ENPP1: variants seen among roughly 807,000 people sequenced by gnomAD.
ENPP1 encodes ectonucleotide pyrophosphatase/phosphodiesterase 1, also known as ectonucleotide pyrophosphatase/phosphodiesterase family member 1.
Under a neutral mutation model 122.8 loss-of-function variants are expected in ENPP1, and 73 were observed. That is an observed-to-expected ratio of 0.59 (90% CI 0.49 to 0.72). The LOEUF (loss-of-function observed/expected upper bound fraction) is 0.72, where lower values mean the gene tolerates loss of function less well. Ranked by LOEUF, ENPP1 falls within the 30% of genes least tolerant of loss-of-function variation. The pLI is 0.00. For missense variants in ENPP1, 978 were observed against 1,128.1 expected (o/e 0.87, Z 1.91); for synonymous variants, 367 against 391.6 (o/e 0.94, Z 0.74).
chr6:131,868,104 C>T lies in ENPP1; in HGVS notation c.1251C>T (p.Asn417=), dbSNP rs1782113184. Residue 417 remains asparagine (N), a synonymous_variant, in exon 12 of 25, where the codon AAC becomes AAT. Coordinates refer to ENST00000647893, the MANE Select transcript of ENPP1 (RefSeq NM_006208.3). ...AGCTGAACTTGCACAGATGCCTGAA[C>T]CTCATCCTTATTTCAGATCATGGTA... ...LKELNLHRCL[N]LILISDHGME... 2 of 1,611,582 alleles carry T rather than the reference C, an allele frequency of 1.2e-6. No individual in the cohort carries two copies. The highest frequency in any genetic ancestry group is 1.1e-5 in the South Asian group (1 of 91,034).
At chr6:131,832,863 G>A (rs1781631383) in intron 1 of ENPP1, among the ~76,000 whole-genome samples, 1 of 150,028 alleles carries the variant, frequency 6.7e-6, no homozygotes, top group Non-Finnish European at 1.5e-5. Flanking sequence ...GGAGGCTGAA[G>A]GCTTTAAGAG....
chr6:131,845,902 T>A (rs1781803950), intron 1 of ENPP1, among the ~76,000 whole-genome samples: 1 of 152,190 alleles, frequency 6.6e-6, no homozygotes, highest in Non-Finnish European at 1.5e-5. Context: ...TACCTCCTTA[T>A]TTTAAGGAAT....
intron 1 of ENPP1, among the ~76,000 whole-genome samples, chr6:131,810,518 T>C (rs1037014694): frequency 8.3e-6 from 1 of 120,720 alleles, no homozygotes; most frequent in African/African-American, 3.2e-5. Context: ...ATCCTGACAA[T>C]TGTCGTCAAA....
intron 13 of ENPP1, among the ~76,000 whole-genome samples, chr6:131,869,856 A>G (rs929866824): frequency 1.2e-5 from 1 of 81,520 alleles, no homozygotes; most frequent in African/African-American, 2.4e-4. Context: ...ACTTGGTCTA[A>G]AAAAAAAAAA....
rs1472245822 is a variant in ENPP1 at position 131,892,385 on chromosome 6, C to G, written c.*1874C>G. The stretch of plus-strand genomic sequence containing the variant: ...GTCAGCCTCCCTTTATACTGAGTAA[C>G]AGGGTCCCCTCATTACTACTGGGCA... On this transcript the variant is annotated 3_prime_UTR_variant, in exon 25 of 25. Coordinates refer to ENST00000647893, the MANE Select transcript of ENPP1 (RefSeq NM_006208.3). The G allele has an allele frequency of 4.6e-5, 7 of 152,300 alleles. No homozygotes were observed. Among genetic ancestry groups the G allele is most frequent in the East Asian group, 1.9e-4 (1 of 5,186 alleles). The allele number at this position is 152,300 out of a possible 1,614,324, so 9.4% of individuals were successfully genotyped here. A position where few individuals can be genotyped will look rare whatever the true frequency, so the allele number is the denominator to read the frequency against.
Position 131,872,911 on chromosome 6 carries a change from T to C in ENPP1, c.1438-12T>C. The C allele has an allele frequency of 1.2e-6, 2 of 1,613,556 alleles. No homozygotes were observed. Among genetic ancestry groups the C allele is most frequent in the Non-Finnish European group, 1.7e-6 (2 of 1,179,562 alleles). Reference sequence around the variant, plus strand: ...GGAAATAATAGTTTTTCTTTGCTGTTTGCAATTTCAGTGCCGGGAACCAAA... The same window carrying C: ...GGAAATAATAGTTTTTCTTTGCTGTCTGCAATTTCAGTGCCGGGAACCAAA... On this transcript the variant is annotated splice_polypyrimidine_tract_variant and intron_variant, in intron 14 of 24. Coordinates refer to ENST00000647893, the MANE Select transcript of ENPP1 (RefSeq NM_006208.3).
chr6:131,880,855 C>T (rs1361720963), intron 20 of ENPP1, among the ~76,000 whole-genome samples: 1 of 152,100 alleles, frequency 6.6e-6, no homozygotes, highest in Non-Finnish European at 1.5e-5. Flanking sequence ...ATCCTGCCCA[C>T]CACCAACACC....
rs1410434834 is a variant in ENPP1 at position 131,890,735 on chromosome 6, G to T, written c.*224G>T. The T allele has an allele frequency of 5.4e-6, 3 of 554,010 alleles. No homozygotes were observed. In the South Asian group the frequency reaches 6.4e-5, roughly 12 times the overall value. 34.3% of individuals were successfully genotyped at this position (554,010 alleles called of 1,614,324 possible). ...TGAATGTGTAAGCATTGTATACATT[G>T]ATCAAGTTCGGGGGAATAAAGACAG... is the stretch of plus-strand genomic sequence containing the variant. On this transcript the variant is annotated 3_prime_UTR_variant, in exon 25 of 25. Coordinates refer to ENST00000647893, the MANE Select transcript of ENPP1 (RefSeq NM_006208.3).
chr6:131,836,079 G>C (rs1781670087), intron 1 of ENPP1, among the ~76,000 whole-genome samples: 1 of 151,148 alleles, frequency 6.6e-6, no homozygotes, highest in Non-Finnish European at 1.5e-5. Context: ...AGATGTGACA[G>C]AAAGCACAAA....
At chr6:131,856,901 T>C (rs1276898426) in intron 6 of ENPP1, among the ~76,000 whole-genome samples, 1 of 152,118 alleles carries the variant, frequency 6.6e-6, no homozygotes, top group East Asian at 1.9e-4. Flanking sequence ...AGCCTTGTAG[T>C]ATAGTTCGAA....
chr6:131,846,873 T>C (rs1205796505), intron 1 of ENPP1, among the ~76,000 whole-genome samples: 1 of 152,242 alleles, frequency 6.6e-6, no homozygotes. Context: ...AGTTCTGTCA[T>C]GGTTCTTAGG....
Position 131,860,394 on chromosome 6 carries a change from A to T in ENPP1, c.803A>T (p.Tyr268Phe), listed in dbSNP as rs1782006273. 6.3e-7 allele frequency: 1 copy of T among 1,596,062 alleles called. No individual in the cohort carries two copies. The highest frequency in any genetic ancestry group is 8.6e-7 in the Non-Finnish European group (1 of 1,164,326). The change falls in exon 8 of 25, where the codon TAT becomes TTT. Residue 268 changes from tyrosine (Y) to phenylalanine (F), a missense_variant. This residue lies in a region of ENPP1 where 644 missense variants were observed against 781.5 expected (regional missense o/e 0.82). Transcript: ENST00000647893. ...PNHYSIVTGL[Y>F]PESHGIIDNK... ...CTGTTTTATCTTTTTTAGGGATTGT[A>T]TCCAGAATCTCATGGCATAATCGAC... is the stretch of plus-strand genomic sequence containing the variant.
At chr6:131,836,659 TG>T (rs1387900664) in intron 1 of ENPP1, among the ~76,000 whole-genome samples, 1 of 152,204 alleles carries the variant, frequency 6.6e-6, no homozygotes, top group Non-Finnish European at 1.5e-5. Flanking sequence ...TTTGACATGA[TG>T]GCATACGTCC....
At chr6:131,877,372 T>C in intron 18 of ENPP1, 2 of 588,658 alleles carry the variant, frequency 3.4e-6, no homozygotes, top group Non-Finnish European at 6.0e-6. Flanking sequence ...TTTTAATTCC[T>C]TGGAGCTGTG....
At chr6:131,858,839 CA>C in intron 7 of ENPP1, 92 bp downstream of exon 7, 1 of 982,806 alleles carries the variant, frequency 1.0e-6, no homozygotes, top group Non-Finnish European at 1.6e-6. Flanking sequence ...AAAAGAAAAA[CA>C]ACTTATTTTC....
chr6:131,879,872 G>T lies in ENPP1; in HGVS notation c.1946-8G>T. ...CTAACTACATTTATTTTCATCCTGTGACCCAAGAGAAGATTATTAAGCATG... is the reference window on the plus strand; with the variant it reads ...CTAACTACATTTATTTTCATCCTGTTACCCAAGAGAAGATTATTAAGCATG... On this transcript the variant is annotated splice_polypyrimidine_tract_variant and splice_region_variant and intron_variant, in intron 19 of 24. Coordinates refer to ENST00000647893, the MANE Select transcript of ENPP1 (RefSeq NM_006208.3). The T allele has an allele frequency of 5.6e-6, 9 of 1,612,050 alleles. No individual in the cohort carries two copies. Among genetic ancestry groups the T allele is most frequent in the South Asian group, 1.1e-5 (1 of 91,000 alleles).
chr6:131,879,359 G>C (rs1387079077), intron 19 of ENPP1, among the ~76,000 whole-genome samples: 1 of 152,062 alleles, frequency 6.6e-6, no homozygotes, highest in African/African-American at 2.4e-5. Flanking sequence ...TGTAAAATGG[G>C]CATATAACCT....
At position 131,869,449 on chromosome 6, in the gene ENPP1, T is replaced by G; in HGVS notation, c.1365T>G (p.Ala455=). The part of the protein sequence containing the change: ...KNIKVIYGPA[A]RLRPSDVPDK... Reference sequence around the variant, plus strand: ...TTAAAGTTATCTATGGACCTGCAGCTCGATTGAGACCCTCTGATGTCCCAG... The same window carrying G: ...TTAAAGTTATCTATGGACCTGCAGCGCGATTGAGACCCTCTGATGTCCCAG... The change falls in exon 13 of 25, where the codon GCT becomes GCG. Residue 455 remains alanine (A), a synonymous_variant. Transcript: ENST00000647893. The G allele has an allele frequency of 6.2e-7, 1 of 1,613,432 alleles. No homozygotes were observed. Among genetic ancestry groups the G allele is most frequent in the Non-Finnish European group, 8.5e-7 (1 of 1,179,450 alleles).
chr6:131,889,483 T>TAGG (rs1330650268), intron 24 of ENPP1, among the ~76,000 whole-genome samples: 3 of 151,584 alleles, frequency 2.0e-5, no homozygotes, highest in Non-Finnish European at 4.4e-5. Context: ...GAACATGAGG[T>TAGG]TTCGATTTTC....
Sources: allele counts gnomAD v4.1 joint callset (sites outside exome capture counted in the v4.1 genomes callset), GRCh38; gene constraint gnomAD v4.1.1; regional missense constraint gnomAD v4.1.1; transcripts MANE v1.5; gene names NCBI Gene and HGNC (gene_info 2026-07-23, HGNC 2026-07-21).